NR2E1: variants seen among roughly 807,000 people sequenced by gnomAD.
NR2E1 encodes the protein nuclear receptor TLX.
A neutral mutation model predicts 43.6 loss-of-function variants in NR2E1; 5 were observed. The observed-to-expected ratio is 0.11, with a 90% CI of 0.06 to 0.24. The LOEUF (loss-of-function observed/expected upper bound fraction) is 0.24, where lower values mean the gene tolerates loss of function less well. NR2E1 is among the 10% of genes least tolerant of loss of function. The pLI, the probability that NR2E1 is intolerant of heterozygous loss-of-function variation, is 1.00. For missense variants in NR2E1, 287 were observed against 496.7 expected, an observed-to-expected ratio of 0.58 and a Z score of 4.01; for synonymous variants, 191 against 195.5, an observed-to-expected ratio of 0.98 and a Z score of 0.19.
chr6:108,171,505 G>C lies in NR2E1; in HGVS notation c.73G>C (p.Gly25Arg). The C allele has an allele frequency of 6.2e-7, 1 of 1,614,042 alleles. No individual in the cohort carries two copies. Among genetic ancestry groups the C allele is most frequent in the Non-Finnish European group, 8.5e-7 (1 of 1,180,038 alleles). The change falls in exon 2 of 9, where the codon GGG becomes CGG. Residue 25 changes from glycine to arginine, a missense_variant. Gly to Arg is a moderately radical substitution (Grantham distance 125). Transcript: ENST00000368986. Reference sequence around the variant, plus strand: ...CAAAGTGTGTGGCGACCGCAGCTCGGGGAAGCACTACGGGGTCTACGCCTG... The same window carrying C: ...CAAAGTGTGTGGCGACCGCAGCTCGCGGAAGCACTACGGGGTCTACGCCTG... ...PCKVCGDRSS[G>R]KHYGVYACDG... is the part of the protein sequence containing the mutation.
chr6:108,166,649 C>A lies in NR2E1; in HGVS notation c.-117C>A. 1.2e-6 allele frequency: 1 copy of A among 820,318 alleles called. No individual in the cohort carries two copies. The highest frequency in any genetic ancestry group is 1.8e-6 in the Non-Finnish European group (1 of 555,984). The allele number at this position is 820,318 out of a possible 1,614,324, so 50.8% of individuals were successfully genotyped here. A position where few individuals can be genotyped will look rare whatever the true frequency, so the allele number is the denominator to read the frequency against. ...GCGACTGACACCCACCTGTCCCGCC[C>A]AGGAGCCTTGCAGGCTGGAGGGCAG... On this transcript the variant is annotated 5_prime_UTR_variant, in exon 1 of 9. Coordinates refer to ENST00000368986, the MANE Select transcript of NR2E1 (RefSeq NM_003269.5). The surrounding 1 kb of genome is among the most constrained non-coding windows in gnomAD (Gnocchi z 7.2).
chr6:108,175,063 C>T, intron 3 of NR2E1, 140 bp downstream of exon 3: 1 of 778,752 alleles, frequency 1.3e-6, no homozygotes, highest in Non-Finnish European at 2.2e-6. Flanking sequence ...CTCGGGCTTT[C>T]AGTCGTATCC....
At chr6:108,178,784 C>T in intron 5 of NR2E1, 1 of 170,160 alleles carries the variant, frequency 5.9e-6, no homozygotes, top group South Asian at 1.4e-4. Context: ...TAGGTTCTTC[C>T]TTGATTCTTC....
chr6:108,182,757 C>T (rs1000782749), intron 8 of NR2E1, among the ~76,000 whole-genome samples: 11 of 152,016 alleles, frequency 7.2e-5, no homozygotes, highest in African/African-American at 2.4e-4. Flanking sequence ...CGGGGTTTCA[C>T]CGTGTTGGCC....
At chr6:108,179,342 G>A (rs1773948491) in intron 5 of NR2E1, 3 of 152,064 alleles carry the variant, frequency 2.0e-5, no homozygotes, top group African/African-American at 7.2e-5. Context: ...TGTGATTTTG[G>A]TTACAAGCCT....
intron 8 of NR2E1, among the ~76,000 whole-genome samples, chr6:108,184,191 C>T (rs889591545): frequency 7.2e-5 from 11 of 151,780 alleles, no homozygotes; most frequent in South Asian, 2.1e-4. Flanking sequence ...AGTGAGACTC[C>T]GTCTAAAAAA....
At chr6:108,177,345 A>G (rs986337136) in intron 4 of NR2E1, among the ~76,000 whole-genome samples, 1 of 152,234 alleles carries the variant, frequency 6.6e-6, no homozygotes, top group Admixed American at 6.5e-5. Flanking sequence ...GGTTGATTCC[A>G]TAGGAGCAGG....
At position 108,187,726 on chromosome 6, in the gene NR2E1, A is replaced by G. The variant is rs1433718908; in HGVS notation, c.*263A>G. 4.3e-6 allele frequency: 2 copies of G among 462,786 alleles called. No individual in the cohort carries two copies. The highest frequency in any genetic ancestry group is 3.4e-5 in the Admixed American group (1 of 29,718). 28.7% of individuals were successfully genotyped at this position (462,786 alleles called of 1,614,324 possible). On this transcript the variant is annotated 3_prime_UTR_variant, in exon 9 of 9. Transcript: ENST00000368986. Reference sequence around the variant, plus strand: ...GCTGCCATGCCCTGGGAGGGGGCAAACTGGGGGTTGCCACAGGCCGTGCCA... The same window carrying G: ...GCTGCCATGCCCTGGGAGGGGGCAAGCTGGGGGTTGCCACAGGCCGTGCCA...
Position 108,180,052 on chromosome 6 carries a change from G to A in NR2E1, c.643-271G>A, listed in dbSNP as rs1254845521. Among the ~76,000 whole-genome samples, 1 of 152,132 alleles carries A rather than the reference G, an allele frequency of 6.6e-6. No individual in the cohort carries two copies. Among genetic ancestry groups the A allele is most frequent in the Non-Finnish European group, 1.5e-5 (1 of 68,014 alleles). ...GGAGCTTCTAGGTGGTCAGGAATGGGTGGATACAAGGACAAGAGGGGCAAA... is the reference window on the plus strand; with the variant it reads ...GGAGCTTCTAGGTGGTCAGGAATGGATGGATACAAGGACAAGAGGGGCAAA... On this transcript the variant is annotated intron_variant, in intron 5 of 8. Transcript: ENST00000368986. The surrounding 1 kb of genome is among the most constrained non-coding windows in gnomAD (Gnocchi z 5.4).
intron 7 of NR2E1, among the ~76,000 whole-genome samples, chr6:108,181,174 T>C (rs944423983): frequency 6.6e-6 from 1 of 152,076 alleles, no homozygotes; most frequent in Non-Finnish European, 1.5e-5. Context: ...CCAATTTCTT[T>C]TTTTCTTTCT....
chr6:108,185,398 G>A lies in NR2E1; in HGVS notation c.996-1903G>A, dbSNP rs12197108. ...CTCTCTAACACACACACACACACAC[G>A]CACACACACATACACACACACACAC... On this transcript the variant is annotated intron_variant, in intron 8 of 8. Coordinates refer to ENST00000368986, the MANE Select transcript of NR2E1 (RefSeq NM_003269.5). Among the ~76,000 whole-genome samples the A allele has an allele frequency of 1.0e-3, 115 of 110,112 alleles. 1 individual carries two copies. The East Asian group carries it at 0.011, about 10-fold the overall frequency. The allele number at this position is 110,112 out of a possible 152,430, so 72.2% of individuals were successfully genotyped here.
intron 8 of NR2E1, 98 bp from the exon 9 acceptor site, chr6:108,187,203 G>C: frequency 2.2e-6 from 3 of 1,373,242 alleles, no homozygotes; most frequent in Non-Finnish European, 3.1e-6. Context: ...AAGAGACCTA[G>C]ATCAGCAATG....
chr6:108,167,056 A>G (rs1285134796), intron 1 of NR2E1, among the ~76,000 whole-genome samples: 1 of 151,860 alleles, frequency 6.6e-6, no homozygotes, highest in Non-Finnish European at 1.5e-5. Flanking sequence ...CACCAGTCGG[A>G]TGAGTTGTCT....
At chr6:108,183,850 T>C (rs1280108137) in intron 8 of NR2E1, among the ~76,000 whole-genome samples, 1 of 152,222 alleles carries the variant, frequency 6.6e-6, no homozygotes, top group South Asian at 2.1e-4. Flanking sequence ...AGGCAGTTAA[T>C]ATTTGTTCAA....
intron 8 of NR2E1, among the ~76,000 whole-genome samples, chr6:108,182,236 C>A (rs1220395519): frequency 4.2e-4 from 55 of 130,844 alleles, no homozygotes; most frequent in African/African-American, 1.7e-3. Flanking sequence ...AGCGAGACTC[C>A]GTCTCAAAAA....
chr6:108,172,902 C>T (rs781142616), intron 2 of NR2E1, among the ~76,000 whole-genome samples: 10 of 152,224 alleles, frequency 6.6e-5, no homozygotes, highest in Non-Finnish European at 1.2e-4. Flanking sequence ...ACATTTTACA[C>T]GCATAGGACT....
rs1210168998 is a variant in NR2E1 at position 108,188,416 on chromosome 6, A to G, written c.*953A>G. ...AACTTCAAGGAGATGAATGAATGCT[A>G]AAAGGGTTCTTGACTGATCCATTGC... On this transcript the variant is annotated 3_prime_UTR_variant, in exon 9 of 9. Coordinates refer to ENST00000368986, the MANE Select transcript of NR2E1 (RefSeq NM_003269.5). 2.0e-5 allele frequency: 3 copies of G among 151,966 alleles called. No homozygotes were observed. Among genetic ancestry groups the G allele is most frequent in the East Asian group, 3.9e-4 (2 of 5,184 alleles). 9.4% of individuals were successfully genotyped at this position (151,966 alleles called of 1,614,324 possible).
intron 8 of NR2E1, among the ~76,000 whole-genome samples, chr6:108,185,772 C>T (rs974542120): frequency 3.9e-5 from 6 of 152,170 alleles, no homozygotes; most frequent in African/African-American, 1.4e-4. Flanking sequence ...ACTAACCAAC[C>T]CTTTCCCAAC....
Position 108,174,909 on chromosome 6 carries a change from A to G in NR2E1, c.245A>G (p.Asn82Ser), listed in dbSNP as rs200854164. The G allele has an allele frequency of 2.0e-5, 33 of 1,614,132 alleles. No homozygotes were observed. Among genetic ancestry groups the G allele is most frequent in the Non-Finnish European group, 2.7e-5 (32 of 1,179,974 alleles). ...ACRLKKCLEV[N>S]MNKDAVQHER... ...CGGCTGAAGAAGTGTTTGGAAGTCA[A>G]CATGAACAAAGACGGTAATCAGTGC... Residue 82 changes from asparagine (N) to serine (S), a missense_variant, in exon 3 of 9, where the codon AAC (asparagine) becomes AGC (serine). Asn to Ser is a conservative substitution (Grantham distance 46). Transcript: ENST00000368986.
Sources: gnomAD v4.1 joint callset for allele counts (sites outside exome capture counted in the v4.1 genomes callset) on GRCh38, gnomAD v4.1.1 for gene constraint, Gnocchi (gnomAD v3.1) non-coding constraint, MANE v1.5 for transcripts, NCBI Gene and HGNC (gene_info 2026-07-23, HGNC 2026-07-21) for gene names.